The following CACNA1B variants were observed in gnomAD, a reference collection of about 807,000 sequenced individuals.
The protein encoded by CACNA1B is voltage-dependent N-type calcium channel subunit alpha-1B.
In CACNA1B, 70 loss-of-function variants were observed where a neutral mutation model predicts 247.2. That is an observed-to-expected ratio of 0.28 (90% confidence interval 0.23 to 0.35). The LOEUF is 0.35. Ranked by LOEUF, CACNA1B falls within the 10% of genes least tolerant of loss-of-function variation. The probability of loss-of-function intolerance (pLI) is 1.00; values close to 1 mark genes in which losing one functional copy is unlikely to be tolerated. For missense variants in CACNA1B, 2,367 were observed against 3,197.4 expected, an observed-to-expected ratio of 0.74 and a Z score of 6.26; for synonymous variants, 1,231 against 1,294.4, an observed-to-expected ratio of 0.95 and a Z score of 1.05.
intron 39 of CACNA1B, among the ~76,000 whole-genome samples, chr9:138,111,925 A>G (rs897884494): frequency 2.9e-5 from 4 of 138,292 alleles, no homozygotes; most frequent in Non-Finnish European, 4.6e-5. Flanking sequence ...GGCACTTTGC[A>G]CTCTCCGGTA....
Position 138,011,877 on chromosome 9 carries a change from C to G in CACNA1B, c.2161-1252C>G, listed in dbSNP as rs748183774. Among the ~76,000 whole-genome samples, 3 of 152,134 alleles carry G rather than the reference C, an allele frequency of 2.0e-5. No individual in the cohort carries two copies. The highest frequency in any genetic ancestry group is 2.9e-5 in the Non-Finnish European group (2 of 68,014). ...TGGGAATGCTGGCTCCCAGGGGAGC[C>G]AGGTGGGTCTGGGCTTCAGGATTTT... is the stretch of plus-strand genomic sequence containing the variant. On this transcript the variant is annotated intron_variant, in intron 17 of 46. Coordinates refer to ENST00000371372, the MANE Select transcript of CACNA1B (RefSeq NM_000718.4). The surrounding 1 kb of genome is among the most constrained non-coding windows in gnomAD (Gnocchi z 4.2).
At chr9:137,969,386 CTTGTG>C (rs943018000) in intron 10 of CACNA1B, among the ~76,000 whole-genome samples, 2 of 152,184 alleles carry the variant, frequency 1.3e-5, no homozygotes, top group Non-Finnish European at 2.9e-5. Flanking sequence ...GTGTGGTTGT[CTTGTG>C]TTGTGTGCAC....
Position 138,010,803 on chromosome 9 carries a change from G to A in CACNA1B, c.2160+726G>A, listed in dbSNP as rs1183543120. Among the ~76,000 whole-genome samples, 1 of 152,176 alleles carries A rather than the reference G, an allele frequency of 6.6e-6. No homozygotes were observed. Among genetic ancestry groups the A allele is most frequent in the African/African-American group, 2.4e-5 (1 of 41,444 alleles). On this transcript the variant is annotated intron_variant, in intron 17 of 46. Coordinates refer to ENST00000371372, the MANE Select transcript of CACNA1B (RefSeq NM_000718.4). This position sits in a 1 kb window ranked among gnomAD's most constrained non-coding sequence, Gnocchi z 5.3. ...TGCATGCACCTGTGCATGTCTAGGG[G>A]TCTGACACAGTTCTGTCACTCCAGT...
chr9:137,949,233 GT>G (rs1957845768), intron 6 of CACNA1B, among the ~76,000 whole-genome samples: 16 of 14,852 alleles, frequency 1.1e-3, no homozygotes, highest in East Asian at 2.0e-3. Context: ...TGTGTGTGTG[GT>G]GTATGCATGT....
Position 137,917,023 on chromosome 9 carries a change from C to T in CACNA1B, c.776-218C>T, listed in dbSNP as rs1589004136. Among the ~76,000 whole-genome samples, 1 of 152,024 alleles carries T rather than the reference C, an allele frequency of 6.6e-6. No homozygotes were observed. On this transcript the variant is annotated intron_variant, in intron 5 of 46. Transcript: ENST00000371372. This position sits in a 1 kb window ranked among gnomAD's most constrained non-coding sequence, Gnocchi z 5.5. Reference sequence around the variant, plus strand: ...GTTCCAGTAGGAGGGAGAGGCCAGCCGTTACTCCCTGAGTTGGTCACTCGT... The same window carrying T: ...GTTCCAGTAGGAGGGAGAGGCCAGCTGTTACTCCCTGAGTTGGTCACTCGT...
In CACNA1B at chr9:137,919,911, A is replaced by T. The variant is rs1218344853; in HGVS notation, c.966+2480A>T. Reference sequence around the variant, plus strand: ...GTGCCTGGAAAAGCAGGCGGAGTCAAATGGAGCTTTGGGAGAACACACGGA... The same window carrying T: ...GTGCCTGGAAAAGCAGGCGGAGTCATATGGAGCTTTGGGAGAACACACGGA... On this transcript the variant is annotated intron_variant, in intron 6 of 46. Coordinates refer to ENST00000371372, the MANE Select transcript of CACNA1B (RefSeq NM_000718.4). This position sits in a 1 kb window ranked among gnomAD's most constrained non-coding sequence, Gnocchi z 4.6. 6.6e-6 allele frequency among the ~76,000 whole-genome samples: 1 copy of T among 152,150 alleles called. No individual in the cohort carries two copies. Among genetic ancestry groups the T allele is most frequent in the Non-Finnish European group, 1.5e-5 (1 of 68,018 alleles).
chr9:137,886,358 C>T (rs1460647914), intron 3 of CACNA1B, among the ~76,000 whole-genome samples: 6 of 152,260 alleles, frequency 3.9e-5, no homozygotes, highest in East Asian at 3.9e-4. Context: ...TGGGAGGAGG[C>T]GGGAAGGCCA....
intron 3 of CACNA1B, among the ~76,000 whole-genome samples, chr9:137,911,433 C>T (rs1486020855): frequency 6.6e-6 from 1 of 151,634 alleles, no homozygotes; most frequent in Non-Finnish European, 1.5e-5. Context: ...TTTATTTATT[C>T]GAGTCGGAGT....
chr9:137,914,635 T>C lies in CACNA1B; in HGVS notation c.623-19T>C. On this transcript the variant is annotated intron_variant, in intron 4 of 46. Coordinates refer to ENST00000371372, the MANE Select transcript of CACNA1B (RefSeq NM_000718.4). This position sits in a 1 kb window ranked among gnomAD's most constrained non-coding sequence, Gnocchi z 4.3. ...ACCCTGCCCACGTTGCTTCCTGACC[T>C]GCCCTGTTCTGGCCCCAGGTTTGCA... The C allele has an allele frequency of 6.2e-7, 1 of 1,612,182 alleles. No individual in the cohort carries two copies. Among genetic ancestry groups the C allele is most frequent in the South Asian group, 1.1e-5 (1 of 90,762 alleles).
At chr9:137,981,491 T>TTG (rs908453480) in intron 12 of CACNA1B, among the ~76,000 whole-genome samples, 7 of 152,240 alleles carry the variant, frequency 4.6e-5, no homozygotes, top group South Asian at 2.1e-4. Context: ...CTACCTTTTT[T>TTG]TGTGTGTGTG....
Position 137,974,088 on chromosome 9 carries a change from A to C in CACNA1B, c.1544-1819A>C, listed in dbSNP as rs575433289. 6.6e-6 allele frequency among the ~76,000 whole-genome samples: 1 copy of C among 152,254 alleles called. No individual in the cohort carries two copies. The highest frequency in any genetic ancestry group is 1.9e-4 in the East Asian group (1 of 5,156). On this transcript the variant is annotated intron_variant, in intron 11 of 46. Coordinates refer to ENST00000371372, the MANE Select transcript of CACNA1B (RefSeq NM_000718.4). This position sits in a 1 kb window ranked among gnomAD's most constrained non-coding sequence, Gnocchi z 4.5. ...AGAGGGGCTCTGGGACTTTGTGGCC[A>C]GGCGTGTTGGGCCTTTCCAAGCTGC...
intron 12 of CACNA1B, among the ~76,000 whole-genome samples, chr9:137,982,761 G>C (rs1197306274): frequency 6.6e-6 from 1 of 152,228 alleles, no homozygotes; most frequent in Non-Finnish European, 1.5e-5. Flanking sequence ...GGCAACATGT[G>C]ATCACCAAGA....
chr9:138,000,350 G>A (rs570099338), intron 15 of CACNA1B, among the ~76,000 whole-genome samples: 42 of 151,872 alleles, frequency 2.8e-4, no homozygotes, highest in African/African-American at 4.6e-4. Context: ...AGCCCGCCTT[G>A]GCCTCCCAAA....
At position 138,100,185 on chromosome 9, in the gene CACNA1B, GCAGAGGGAAGAGGGAGGC is replaced by G. The variant is rs1029477418; in HGVS notation, c.5223-2522_5223-2505del. On this transcript the variant is annotated intron_variant, in intron 37 of 46. Transcript: ENST00000371372. The surrounding 1 kb of genome is among the most constrained non-coding windows in gnomAD (Gnocchi z 4.6). ...GATTGAGCTGGGGATGGGAGGTGGG[GCAGAGGGAAGAGGGAGGC>G]CAGGTGGCTTCTGTCAGGCTGGAGA... Among the ~76,000 whole-genome samples the G allele has an allele frequency of 2.6e-5, 4 of 152,246 alleles. No individual in the cohort carries two copies. Among genetic ancestry groups the G allele is most frequent in the Admixed American group, 2.6e-4 (4 of 15,292 alleles).
chr9:137,904,352 CTTTTTTTTTT>C (rs11351694), intron 3 of CACNA1B, among the ~76,000 whole-genome samples: 1 of 80,396 alleles, frequency 1.2e-5, no homozygotes, highest in African/African-American at 6.3e-5. Flanking sequence ...CTCTCTCTCT[CTTTTTTTTTT>C]TTTTTTTTTT....
In CACNA1B at chr9:138,010,219, T is replaced by A; in HGVS notation, c.2160+142T>A. The stretch of plus-strand genomic sequence containing the variant: ...TGGCGGGCAGAGGCTGGTCTGTCAC[T>A]CAGGGGCTGGAGGCTGGAGCTGAGG... On this transcript the variant is annotated intron_variant, in intron 17 of 46. Coordinates refer to ENST00000371372, the MANE Select transcript of CACNA1B (RefSeq NM_000718.4). The surrounding 1 kb of genome is among the most constrained non-coding windows in gnomAD (Gnocchi z 5.3). 1 of 633,206 alleles carries A rather than the reference T, an allele frequency of 1.6e-6. No homozygotes were observed. The highest frequency in any genetic ancestry group is 2.8e-6 in the Non-Finnish European group (1 of 352,244). 39.2% of individuals were successfully genotyped at this position (633,206 alleles called of 1,614,324 possible). A position where few individuals can be genotyped will look rare whatever the true frequency, so the allele number is the denominator to read the frequency against.
rs553691254 is a variant in CACNA1B at position 138,037,444 on chromosome 9, A to G, written c.3287-6330A>G. On this transcript the variant is annotated intron_variant, in intron 20 of 46. Transcript: ENST00000371372. ...GAGGCCAAGGTGGGAGGATCACCTG[A>G]GGTCAGGCATTCGAGACCAACCTGG... Among the ~76,000 whole-genome samples, 263 of 152,320 alleles carry G rather than the reference A, an allele frequency of 1.7e-3. 2 individuals carry two copies. The Middle Eastern group carries it at 0.024, about 14-fold the overall frequency.
chr9:137,955,847 C>T lies in CACNA1B; in HGVS notation c.1186+34C>T, dbSNP rs200652459. 82 of 1,378,896 alleles carry T rather than the reference C, an allele frequency of 5.9e-5. No homozygotes were observed. The highest frequency in any genetic ancestry group is 7.3e-5 in the Non-Finnish European group (72 of 983,810). 85.4% of individuals were successfully genotyped at this position (1,378,896 alleles called of 1,614,324 possible). A position where few individuals can be genotyped will look rare whatever the true frequency, so the allele number is the denominator to read the frequency against. ...CCGTGGGAGCCACTGCACTCCTGGCCGGCCACTGTTAGTTCTCTGTCCCCA... is the reference window on the plus strand; with the variant it reads ...CCGTGGGAGCCACTGCACTCCTGGCTGGCCACTGTTAGTTCTCTGTCCCCA... On this transcript the variant is annotated intron_variant, in intron 8 of 46. Coordinates refer to ENST00000371372, the MANE Select transcript of CACNA1B (RefSeq NM_000718.4). The surrounding 1 kb of genome is among the most constrained non-coding windows in gnomAD (Gnocchi z 6.9).
At chr9:138,109,590 C>G (rs1003461154) in intron 39 of CACNA1B, among the ~76,000 whole-genome samples, 2 of 152,148 alleles carry the variant, frequency 1.3e-5, no homozygotes, top group African/African-American at 4.8e-5. Context: ...ACAGGAACTC[C>G]TTGAACTGAT....
Sources: gnomAD v4.1 joint callset for allele counts (sites outside exome capture counted in the v4.1 genomes callset) on GRCh38, gnomAD v4.1.1 for gene constraint, Gnocchi (gnomAD v3.1) non-coding constraint, MANE v1.5 for transcripts, NCBI Gene and HGNC (gene_info 2026-07-23, HGNC 2026-07-21) for gene names.